TTC7A: variants seen among roughly 807,000 people sequenced by gnomAD.
TTC7A encodes the protein tetratricopeptide repeat protein 7A.
In TTC7A, 110 loss-of-function variants were observed where a neutral mutation model predicts 103.7. The observed-to-expected ratio is 1.06, with a 90% CI of 0.91 to 1.24. TTC7A has a LOEUF of 1.24. Ranked by LOEUF, TTC7A falls within the 50% of genes most tolerant of loss-of-function variation. The probability of loss-of-function intolerance (pLI) is 0.00; values close to 1 mark genes in which losing one functional copy is unlikely to be tolerated. For missense variants in TTC7A, 1,340 were observed against 1,116.3 expected, an observed-to-expected ratio of 1.20 and a Z score of -2.86; for synonymous variants, 521 against 467.9, an observed-to-expected ratio of 1.11 and a Z score of -1.47.
chr2:47,012,717 G>A lies in TTC7A; in HGVS notation c.1392+1282G>A, dbSNP rs189715299. Among the ~76,000 whole-genome samples the A allele has an allele frequency of 7.9e-5, 12 of 152,202 alleles. No individual in the cohort carries two copies. The East Asian group carries it at 1.2e-3, about 15-fold the overall frequency. Reference sequence around the variant, plus strand: ...GGCCCCATCCCTCTGCTGGGTCCCCGCCTCATCATCGCAGCAGGGCTTGCC... The same window carrying A: ...GGCCCCATCCCTCTGCTGGGTCCCCACCTCATCATCGCAGCAGGGCTTGCC... On this transcript the variant is annotated intron_variant, in intron 11 of 19. Coordinates refer to ENST00000319190, the MANE Select transcript of TTC7A (RefSeq NM_020458.4).
chr2:47,063,085 C>T (rs1683919914), intron 19 of TTC7A, among the ~76,000 whole-genome samples: 4 of 152,232 alleles, frequency 2.6e-5, no homozygotes, highest in Admixed American at 1.3e-4. Context: ...TTTAGTGAGT[C>T]GATCTCAAGT....
chr2:47,028,120 G>A (rs1008117609), intron 14 of TTC7A, among the ~76,000 whole-genome samples: 15 of 152,034 alleles, frequency 9.9e-5, no homozygotes, highest in Non-Finnish European at 2.2e-4. Context: ...CCATCCTGGG[G>A]GTGTTGTGTT....
chr2:46,956,273 G>A (rs1671844460), intron 2 of TTC7A, among the ~76,000 whole-genome samples: 1 of 152,172 alleles, frequency 6.6e-6, no homozygotes, highest in Non-Finnish European at 1.5e-5. Flanking sequence ...GATAGGAAGA[G>A]GATGGTGACG....
At chr2:46,916,183 T>G (rs1668780486) in exon 1 of TTC7A, 4 of 983,538 alleles carry the variant, frequency 4.1e-6, no homozygotes, top group South Asian at 4.7e-5. Flanking sequence ...TTGGTTCAGG[T>G]CTCTTGGTTC....
At chr2:46,986,748 G>A (rs1228966446) in intron 5 of TTC7A, among the ~76,000 whole-genome samples, 2 of 152,146 alleles carry the variant, frequency 1.3e-5, no homozygotes, top group African/African-American at 4.8e-5. Context: ...GAACAGGGTG[G>A]GGCCAGATGG....
At chr2:47,069,022 C>T (rs965237879) in intron 19 of TTC7A, among the ~76,000 whole-genome samples, 3 of 152,106 alleles carry the variant, frequency 2.0e-5, no homozygotes, top group Admixed American at 2.0e-4. Context: ...TGTGACTGGG[C>T]CCCCTTCTCA....
At position 47,074,731 on chromosome 2, in the gene TTC7A, T is replaced by C. The variant is rs1410715040; in HGVS notation, c.*808T>C. On this transcript the variant is annotated 3_prime_UTR_variant, in exon 20 of 20. Transcript: ENST00000319190. ...TTTCTAGGACTGTCCCCAGTACATC[T>C]CACCACCCACAGCCCTTTTTTTGCC... 6.6e-6 allele frequency: 1 copy of C among 152,396 alleles called. No individual in the cohort carries two copies. Among genetic ancestry groups the C allele is most frequent in the Non-Finnish European group, 1.5e-5 (1 of 68,232 alleles). The allele number at this position is 152,396 out of a possible 1,614,324, so 9.4% of individuals were successfully genotyped here. A position where few individuals can be genotyped will look rare whatever the true frequency, so the allele number is the denominator to read the frequency against.
At position 47,075,109 on chromosome 2, in the gene TTC7A, T is replaced by G. The variant is rs1465097792; in HGVS notation, c.*1186T>G. 1 of 152,202 alleles carries G rather than the reference T, an allele frequency of 6.6e-6. No homozygotes were observed. The highest frequency in any genetic ancestry group is 1.5e-5 in the Non-Finnish European group (1 of 68,062). The allele number at this position is 152,202 out of a possible 1,614,324, so 9.4% of individuals were successfully genotyped here. On this transcript the variant is annotated 3_prime_UTR_variant, in exon 20 of 20. Transcript: ENST00000319190. ...CTGGTTCATCATAGCTCCACCTTCC[T>G]CGGAAGGAGTGGGCTGTTGGAGACC... is the stretch of plus-strand genomic sequence containing the variant.
At chr2:47,023,734 C>A (rs537150191) in intron 13 of TTC7A, among the ~76,000 whole-genome samples, 1 of 152,230 alleles carries the variant, frequency 6.6e-6, no homozygotes, top group East Asian at 1.9e-4. Context: ...TATAGTAACC[C>A]ATTGCTGTTG....
At chr2:46,975,240 CATAGTTGGAAAACTCATT>C in intron 4 of TTC7A, 137 bp downstream of exon 4, 1 of 1,167,632 alleles carries the variant, frequency 8.6e-7, no homozygotes, top group East Asian at 2.5e-5. Flanking sequence ...CACTCTACTT[CATAGTTGGAAAACTCATT>C]ATAGTATACT....
intron 5 of TTC7A, among the ~76,000 whole-genome samples, chr2:46,984,919 A>G (rs1446202315): frequency 6.6e-6 from 1 of 152,100 alleles, no homozygotes; most frequent in African/African-American, 2.4e-5. Context: ...GGGCCTAGTG[A>G]CAGCGGGGAG....
Position 46,946,128 on chromosome 2 carries a change from C to G in TTC7A, c.185-4235C>G, listed in dbSNP as rs534749927. On this transcript the variant is annotated intron_variant, in intron 1 of 19. Coordinates refer to ENST00000319190, the MANE Select transcript of TTC7A (RefSeq NM_020458.4). ...TAAGGAAGGTGGGCACTGAGGCCTT[C>G]CAGACACGATGGGGTTGGGAGACTG... Among the ~76,000 whole-genome samples the G allele has an allele frequency of 3.9e-5, 6 of 152,288 alleles. No homozygotes were observed. The East Asian group carries it at 1.2e-3, about 29-fold the overall frequency.
At chr2:46,975,212 T>C in intron 4 of TTC7A, 109 bp downstream of exon 4, 2 of 1,432,198 alleles carry the variant, frequency 1.4e-6, no homozygotes, top group Non-Finnish European at 1.9e-6. Context: ...AGAAGTCACC[T>C]TCTCTGTCCC....
At chr2:46,961,150 G>A (rs530800466) in intron 3 of TTC7A, among the ~76,000 whole-genome samples, 1 of 152,222 alleles carries the variant, frequency 6.6e-6, no homozygotes, top group Non-Finnish European at 1.5e-5. Flanking sequence ...TGTCAGATCA[G>A]GGGAAGACCC....
chr2:46,979,951 C>T (rs898217596), intron 5 of TTC7A, among the ~76,000 whole-genome samples: 1 of 152,220 alleles, frequency 6.6e-6, no homozygotes, highest in African/African-American at 2.4e-5. Flanking sequence ...CTCACTCAGC[C>T]TTCCATGGCC....
intron 12 of TTC7A, among the ~76,000 whole-genome samples, chr2:47,023,144 C>G (rs752728313): frequency 6.6e-6 from 1 of 152,168 alleles, no homozygotes; most frequent in Non-Finnish European, 1.5e-5. Flanking sequence ...GTGCCCATGT[C>G]GTGGAATGCT....
intron 19 of TTC7A, among the ~76,000 whole-genome samples, chr2:47,063,711 C>T (rs745715304): frequency 1.1e-4 from 16 of 152,356 alleles, no homozygotes; most frequent in Non-Finnish European, 2.2e-4. Flanking sequence ...ACGTTGGCCT[C>T]TGATCAGTAC....
intron 2 of TTC7A, among the ~76,000 whole-genome samples, chr2:46,919,973 T>G (rs1173339157): frequency 6.6e-6 from 1 of 152,214 alleles, no homozygotes; most frequent in African/African-American, 2.4e-5. Flanking sequence ...AAGGGTGAAC[T>G]GTGGTGTTAA....
intron 8 of TTC7A, chr2:46,999,480 A>T (rs531090310): frequency 1.4e-5 from 14 of 985,278 alleles, no homozygotes; most frequent in Non-Finnish European, 1.7e-5. Flanking sequence ...ATCTAATCTT[A>T]TTCAAGGAGC....
Sources: gnomAD v4.1 joint callset for allele counts (sites outside exome capture counted in the v4.1 genomes callset) on GRCh38, gnomAD v4.1.1 for gene constraint, MANE v1.5 for transcripts, NCBI Gene and HGNC (gene_info 2026-07-23, HGNC 2026-07-21) for gene names.